ARHGAP6: variants seen among roughly 807,000 people sequenced by gnomAD.
ARHGAP6 encodes Rho GTPase activating protein 6, also known as rho GTPase-activating protein 6.
A neutral mutation model predicts 55.7 loss-of-function variants in ARHGAP6; 16 were observed. The observed-to-expected ratio is 0.29, with a 90% CI of 0.19 to 0.44. ARHGAP6 has a LOEUF of 0.44. Among genes scored for constraint, ARHGAP6 ranks in the 20% least tolerant of loss-of-function variants. ARHGAP6 has a pLI of 1.00. For synonymous variants in ARHGAP6, 382 were observed against 360.9 expected (o/e 1.06, Z -0.66); for missense variants, 698 against 808.9 (o/e 0.86, Z 1.66).
intron 1 of ARHGAP6, among the ~76,000 whole-genome samples, chrX:11,489,846 A>G (rs1318817332): frequency 9.0e-6 from 1 of 111,673 alleles, no homozygotes; most frequent in Non-Finnish European, 1.9e-5. Context: ...GACCATAGAG[A>G]AAAGAAGGCC....
rs572396714 is a variant in ARHGAP6, at chrX:11,196,135, AAAAACAAAAC to A, written c.820+780_820+789del. Among the ~76,000 whole-genome samples the A allele has an allele frequency of 8.8e-3, 883 of 100,689 alleles. 5 individuals carry two copies. Among genetic ancestry groups the A allele is most frequent in the African/African-American group, 0.021 (563 of 26,391 alleles). 87.4% of individuals were successfully genotyped at this position (100,689 alleles called of 115,157 possible). On this transcript the variant is annotated intron_variant, in intron 3 of 12. Transcript: ENST00000337414. ...GGTGACAGAGCGAGACTCTGTCTCA[AAAAACAAAAC>A]AAAACAAAACAAAACAAAACAAAAC...
intron 2 of ARHGAP6, among the ~76,000 whole-genome samples, chrX:11,246,654 T>C (rs1341981932): frequency 1.8e-5 from 2 of 111,660 alleles, no homozygotes; most frequent in African/African-American, 6.5e-5. Context: ...GAAAAGGTGA[T>C]TGTGGACACA....
chrX:11,520,131 TTATATATATATATATATATA>T lies in ARHGAP6; in HGVS notation c.588+144090_588+144109del, dbSNP rs1160731443. Among the ~76,000 whole-genome samples, 66 of 18,263 alleles carry T rather than the reference TTATATATATATATATATATA, an allele frequency of 3.6e-3. 2 individuals carry two copies. Among genetic ancestry groups the T allele is most frequent in the Admixed American group, 9.7e-3 (14 of 1,446 alleles). The allele number at this position is 18,263 out of a possible 115,157, so 15.9% of individuals were successfully genotyped here. A position where few individuals can be genotyped will look rare whatever the true frequency, so the allele number is the denominator to read the frequency against. The stretch of plus-strand genomic sequence containing the variant: ...TTCTTTAACAGTTAGAGAATTGATT[TTATATATATATATATATATA>T]TATATATATATATATATATATATAT... On this transcript the variant is annotated intron_variant, in intron 1 of 12. Transcript: ENST00000337414.
At chrX:11,406,260 T>C (rs768862720) in intron 1 of ARHGAP6, among the ~76,000 whole-genome samples, 6 of 109,978 alleles carry the variant, frequency 5.5e-5, no homozygotes, top group African/African-American at 2.0e-4. Context: ...TGACACAGAG[T>C]GGGTACTGGG....
intron 1 of ARHGAP6, among the ~76,000 whole-genome samples, chrX:11,661,584 G>C (rs777724912): frequency 1.8e-5 from 2 of 112,603 alleles, no homozygotes; most frequent in Non-Finnish European, 3.8e-5. Context: ...AGTGGGAAAT[G>C]GATGAGATCC....
intron 1 of ARHGAP6, among the ~76,000 whole-genome samples, chrX:11,609,218 A>T (rs1366327209): frequency 1.8e-5 from 2 of 111,869 alleles, no homozygotes; most frequent in Non-Finnish European, 3.8e-5. Flanking sequence ...AAGTATGGGG[A>T]TGCAGGGAGT....
At chrX:11,479,844 G>A (rs1011822795) in intron 1 of ARHGAP6, among the ~76,000 whole-genome samples, 3 of 111,186 alleles carry the variant, frequency 2.7e-5, no homozygotes, top group African/African-American at 9.8e-5. Flanking sequence ...GGTATACCGT[G>A]GAGGGAGAAT....
intron 1 of ARHGAP6, among the ~76,000 whole-genome samples, chrX:11,645,437 A>G (rs775018573): frequency 8.9e-6 from 1 of 111,947 alleles, no homozygotes; most frequent in African/African-American, 3.2e-5. Context: ...CTATAATTCA[A>G]CAATATGAAG....
chrX:11,218,144 G>A (rs1256184030), intron 2 of ARHGAP6, among the ~76,000 whole-genome samples: 10 of 111,670 alleles, frequency 9.0e-5, no homozygotes, highest in African/African-American at 2.3e-4. Flanking sequence ...GTCAGGTAGC[G>A]TGATGCCTCC....
At chrX:11,389,007 T>A (rs958493903) in intron 1 of ARHGAP6, among the ~76,000 whole-genome samples, 2 of 111,904 alleles carry the variant, frequency 1.8e-5, no homozygotes, top group Non-Finnish European at 1.9e-5. Context: ...TTTTCATCTC[T>A]ACTGATCAGT....
At position 11,257,420 on chromosome X, in the gene ARHGAP6, G is replaced by A. The variant is rs187576252; in HGVS notation, c.589-2713C>T. The stretch of plus-strand genomic sequence containing the variant: ...CAACTACTCAACTCTGGCTTGGTGG[G>A]ATGAAAGCAGCCACAGATAATTTAT... On this transcript the variant is annotated intron_variant, in intron 1 of 12. Coordinates refer to ENST00000337414, the MANE Select transcript of ARHGAP6 (RefSeq NM_013427.3). Among the ~76,000 whole-genome samples the A allele has an allele frequency of 5.1e-3, 570 of 112,254 alleles. 3 individuals carry two copies. The highest frequency in any genetic ancestry group is 9.2e-3 in the Middle Eastern group (2 of 217).
In ARHGAP6 at chrX:11,405,242, G is replaced by C. The variant is rs770098632; in HGVS notation, c.589-150535C>G. ...CATGGCCATGGGTGCCCACCTTGAG[G>C]TCCCAGGTGACCCCAGTACTGTTGC... is the stretch of plus-strand genomic sequence containing the variant. On this transcript the variant is annotated intron_variant, in intron 1 of 12. Transcript: ENST00000337414. 1.9e-4 allele frequency among the ~76,000 whole-genome samples: 21 copies of C among 111,594 alleles called. No homozygotes were observed. The South Asian group carries it at 7.6e-3, about 41-fold the overall frequency.
At chrX:11,650,286 C>T (rs897921845) in intron 1 of ARHGAP6, among the ~76,000 whole-genome samples, 1 of 111,583 alleles carries the variant, frequency 9.0e-6, no homozygotes, top group African/African-American at 3.3e-5. Context: ...TGAGTCACTG[C>T]ACCTGGCCCA....
chrX:11,223,647 T>C (rs1162484731), intron 2 of ARHGAP6, among the ~76,000 whole-genome samples: 1 of 111,952 alleles, frequency 8.9e-6, no homozygotes, highest in Admixed American at 9.5e-5. Flanking sequence ...CGTAAATAGG[T>C]TATCTATTTT....
intron 5 of ARHGAP6, among the ~76,000 whole-genome samples, chrX:11,184,834 C>T (rs1297386339): frequency 9.0e-6 from 1 of 111,467 alleles, no homozygotes; most frequent in African/African-American, 3.3e-5. Flanking sequence ...TTCAAGCTTC[C>T]AAAGTGATAG....
At chrX:11,196,222 TA>T (rs2046539823) in intron 3 of ARHGAP6, among the ~76,000 whole-genome samples, 1 of 111,002 alleles carries the variant, frequency 9.0e-6, no homozygotes, top group Non-Finnish European at 1.9e-5. Context: ...CCTGGATCTT[TA>T]AAAAGGAAAA....
intron 2 of ARHGAP6, among the ~76,000 whole-genome samples, chrX:11,236,080 T>C (rs868364410): frequency 1.8e-5 from 2 of 112,019 alleles, no homozygotes; most frequent in Non-Finnish European, 3.8e-5. Context: ...ATTGTATTAG[T>C]GCATTCTCAC....
chrX:11,428,361 C>T (rs746493810), intron 1 of ARHGAP6, among the ~76,000 whole-genome samples: 2 of 111,745 alleles, frequency 1.8e-5, no homozygotes, highest in African/African-American at 6.5e-5. Context: ...TCCAGGGGGG[C>T]TTGCAGGGCA....
intron 1 of ARHGAP6, among the ~76,000 whole-genome samples, chrX:11,266,281 C>A (rs1201052220): frequency 6.3e-5 from 7 of 111,095 alleles, no homozygotes; most frequent in Admixed American, 3.8e-4. Context: ...TAGGAATCAA[C>A]CAAAGAATGT....
Sources: gnomAD v4.1 joint callset for allele counts (sites outside exome capture counted in the v4.1 genomes callset) on GRCh38, gnomAD v4.1.1 for gene constraint, MANE v1.5 for transcripts, NCBI Gene and HGNC (gene_info 2026-07-23, HGNC 2026-07-21) for gene names.